The following TMEM202 variants were observed in gnomAD, a reference collection of about 807,000 sequenced individuals.
TMEM202 encodes the protein transmembrane protein 202.
A neutral mutation model predicts 26.1 loss-of-function variants in TMEM202; 25 were observed. The ratio of observed to expected loss-of-function variants is 0.96; its 90% CI spans 0.70 to 1.34. The LOEUF (loss-of-function observed/expected upper bound fraction) is 1.34, where lower values mean the gene tolerates loss of function less well. TMEM202 is among the 40% of genes most tolerant of loss of function. The pLI, the probability that TMEM202 is intolerant of heterozygous loss-of-function variation, is 0.00. For missense variants in TMEM202, 301 were observed against 327.7 expected, an observed-to-expected ratio of 0.92 and a Z score of 0.63; for synonymous variants, 122 against 119.0, an observed-to-expected ratio of 1.02 and a Z score of -0.16.
intron 2 of TMEM202, among the ~76,000 whole-genome samples, chr15:72,402,678 A>G (rs765327093): frequency 1.3e-5 from 2 of 152,298 alleles, no homozygotes; most frequent in South Asian, 2.1e-4. Context: ...CACAGAGAGT[A>G]GTTTGAACTG....
Position 72,406,645 on chromosome 15 carries a change from T to C in TMEM202, c.381T>C (p.Phe127=), listed in dbSNP as rs781483686. The change falls in exon 3 of 5, where the codon TTT becomes TTC. Residue 127 remains phenylalanine (F), a synonymous_variant. Transcript: ENST00000341689. ...YSRAFFLISV[F]TILTGLGWLF... ...GGGCCTTCTTTCTCATCTCTGTCTT[T>C]ACCATACTTACTGGCCTTGGCTGGC... 6.2e-7 allele frequency: 1 copy of C among 1,614,078 alleles called. No homozygotes were observed. Among genetic ancestry groups the C allele is most frequent in the South Asian group, 1.1e-5 (1 of 91,076 alleles).
rs1233164264 is a variant in TMEM202 at position 72,398,764 on chromosome 15, A to C, written c.193A>C (p.Ser65Arg). The change falls in exon 2 of 5, where the codon AGT becomes CGT. Residue 65 changes from serine (S) to arginine (R), a missense_variant. Ser to Arg is a moderately radical substitution (Grantham distance 110). Transcript: ENST00000341689. ...YIRTLCGSLC[S>R]FSLLMLIAMS... ...CCGAACGCTCTGTGGCAGCCTCTGTAGTTTTAGCCTCCTAATGCTGATCGC... is the reference window on the plus strand; with the variant it reads ...CCGAACGCTCTGTGGCAGCCTCTGTCGTTTTAGCCTCCTAATGCTGATCGC... The C allele has an allele frequency of 6.2e-7, 1 of 1,614,132 alleles. No individual in the cohort carries two copies. The highest frequency in any genetic ancestry group is 8.5e-7 in the Non-Finnish European group (1 of 1,180,028).
chr15:72,406,871 A>G (rs957222535), intron 3 of TMEM202, 120 bp downstream of exon 3: 1 of 1,248,986 alleles, frequency 8.0e-7, no homozygotes, highest in Non-Finnish European at 1.1e-6. Context: ...TATCACACCA[A>G]CTTGCCAGCT....
intron 2 of TMEM202, among the ~76,000 whole-genome samples, chr15:72,401,188 C>T (rs112340702): frequency 5.3e-5 from 8 of 152,120 alleles, no homozygotes. Flanking sequence ...CATTCAGTGA[C>T]TAAGAATGCC....
chr15:72,398,782 C>G lies in TMEM202; in HGVS notation c.211C>G (p.Leu71Val), dbSNP rs1346061103. ...GSLCSFSLLM[L>V]IAMSPLNWVQ... ...CCTCTGTAGTTTTAGCCTCCTAATG[C>G]TGATCGCCATGTCCCCACTGAACTG... is the stretch of plus-strand genomic sequence containing the variant. Residue 71 changes from leucine to valine, a missense_variant, in exon 2 of 5, where the codon CTG (leucine) becomes GTG (valine). Physicochemically the swap from Leu to Val is conservative, Grantham distance 32. Coordinates refer to ENST00000341689, the MANE Select transcript of TMEM202 (RefSeq NM_001080462.3). 8 of 1,614,072 alleles carry G rather than the reference C, an allele frequency of 5.0e-6. No homozygotes were observed. In the Admixed American group the frequency reaches 8.3e-5, roughly 17 times the overall value.
At chr15:72,400,984 T>C (rs1379667006) in intron 2 of TMEM202, among the ~76,000 whole-genome samples, 1 of 152,198 alleles carries the variant, frequency 6.6e-6, no homozygotes, top group African/African-American at 2.4e-5. Context: ...ATGGCATTTG[T>C]TAACTGTCAT....
chr15:72,407,870 C>T lies in TMEM202; in HGVS notation c.799C>T (p.Pro267Ser), dbSNP rs1248825280. 4 of 1,613,668 alleles carry T rather than the reference C, an allele frequency of 2.5e-6. No homozygotes were observed. Among genetic ancestry groups the T allele is most frequent in the Non-Finnish European group, 3.4e-6 (4 of 1,179,994 alleles). Residue 267 changes from proline (P) to serine (S), a missense_variant, in exon 5 of 5, where the codon CCA becomes TCA. Physicochemically the swap from Pro to Ser is moderately conservative, Grantham distance 74. Transcript: ENST00000341689. ...TCTAAGTGTGAGAGAGAAAAATTTA[C>T]CAAAGTCAGGACTGTGGTGGTGATA... Reference protein sequence around the residue: ...ESLSVREKNLPKSGLWW With the variant: ...ESLSVREKNLSKSGLWW
Position 72,407,694 on chromosome 15 carries a change from T to C in TMEM202, c.623T>C (p.Ile208Thr). Residue 208 changes from isoleucine (I) to threonine (T), a missense_variant, in exon 5 of 5, where the codon ATC (isoleucine) becomes ACC (threonine). Ile to Thr is a moderately conservative substitution (Grantham distance 89). Coordinates refer to ENST00000341689, the MANE Select transcript of TMEM202 (RefSeq NM_001080462.3). The part of the protein sequence containing the change: ...CSDIFYMFAG[I>T]ISLLNYLTSR... ...TCAAATTATTCCCTTCCCGTAGGGATCATCTCTCTTCTCAACTACTTAACT... is the reference window on the plus strand; with the variant it reads ...TCAAATTATTCCCTTCCCGTAGGGACCATCTCTCTTCTCAACTACTTAACT... 1 of 1,613,828 alleles carries C rather than the reference T, an allele frequency of 6.2e-7. No homozygotes were observed. The highest frequency in any genetic ancestry group is 2.2e-5 in the East Asian group (1 of 44,874).
intron 2 of TMEM202, among the ~76,000 whole-genome samples, 184 bp from the exon 3 acceptor site, chr15:72,406,418 T>C (rs149170007): frequency 4.6e-5 from 7 of 152,322 alleles, no homozygotes; most frequent in Non-Finnish European, 1.0e-4. Flanking sequence ...TGCAGAAGTA[T>C]TTGTATATTA....
At position 72,407,985 on chromosome 15, in the gene TMEM202, T is replaced by C. The variant is rs1385718343; in HGVS notation, c.*92T>C. ...ATTCTGGGAAACTCTCCTAATATCATGTCCATATTACTTGAGGAGACAGCA... is the reference window on the plus strand; with the variant it reads ...ATTCTGGGAAACTCTCCTAATATCACGTCCATATTACTTGAGGAGACAGCA... On this transcript the variant is annotated 3_prime_UTR_variant, in exon 5 of 5. Coordinates refer to ENST00000341689, the MANE Select transcript of TMEM202 (RefSeq NM_001080462.3). 3.9e-6 allele frequency: 4 copies of C among 1,019,798 alleles called. No homozygotes were observed. The highest frequency in any genetic ancestry group is 5.8e-6 in the Non-Finnish European group (4 of 691,130). The allele number at this position is 1,019,798 out of a possible 1,614,324, so 63.2% of individuals were successfully genotyped here.
intron 2 of TMEM202, among the ~76,000 whole-genome samples, chr15:72,399,363 A>T (rs1359092198): frequency 6.6e-6 from 1 of 151,990 alleles, no homozygotes; most frequent in Non-Finnish European, 1.5e-5. Flanking sequence ...TATATTTCCC[A>T]GGCTGGTCTC....
chr15:72,400,901 A>G (rs1034027370), intron 2 of TMEM202, among the ~76,000 whole-genome samples: 2 of 152,234 alleles, frequency 1.3e-5, no homozygotes, highest in African/African-American at 4.8e-5. Context: ...TTTTGGGGAA[A>G]GAGGTGGGCA....
chr15:72,398,565 T>G, intron 1 of TMEM202, 88 bp from the exon 2 acceptor site: 2 of 1,522,128 alleles, frequency 1.3e-6, no homozygotes, highest in Non-Finnish European at 1.8e-6. Flanking sequence ...CAAACACACA[T>G]GGGAATGCTT....
intron 3 of TMEM202, 91 bp downstream of exon 3, chr15:72,406,842 T>C: frequency 2.1e-6 from 3 of 1,409,642 alleles, no homozygotes; most frequent in East Asian, 4.6e-5. Context: ...CTTTTTCTTA[T>C]CTCTTTGCTC....
chr15:72,408,205 A>G lies in TMEM202; in HGVS notation c.*312A>G, dbSNP rs1292673816. Among the ~76,000 whole-genome samples, 2 of 152,160 alleles carry G rather than the reference A, an allele frequency of 1.3e-5. No homozygotes were observed. The highest frequency in any genetic ancestry group is 3.8e-4 in the East Asian group (2 of 5,196). ...GGGTATCAGGGATCTCATGGACCAG[A>G]ATGGCCCGTGGAGAAGAATGTTAAT... On this transcript the variant is annotated 3_prime_UTR_variant, in exon 5 of 5. Coordinates refer to ENST00000341689, the MANE Select transcript of TMEM202 (RefSeq NM_001080462.3).
intron 2 of TMEM202, among the ~76,000 whole-genome samples, chr15:72,404,193 C>T (rs1358333052): frequency 1.3e-5 from 2 of 152,018 alleles, no homozygotes; most frequent in South Asian, 2.1e-4. Flanking sequence ...GTGGGCAGAT[C>T]GCTTGAGCTC....
chr15:72,405,602 C>A (rs762481337), intron 2 of TMEM202, among the ~76,000 whole-genome samples: 2 of 151,940 alleles, frequency 1.3e-5, no homozygotes, highest in Non-Finnish European at 2.9e-5. Flanking sequence ...CTTTGGGGGA[C>A]TCTCAGAATA....
At position 72,398,844 on chromosome 15, in the gene TMEM202, C is replaced by T. The variant is rs1009659764; in HGVS notation, c.273C>T (p.Leu91=). Residue 91 remains leucine (L), a synonymous_variant, in exon 2 of 5, where the codon CTC becomes CTT. Coordinates refer to ENST00000341689, the MANE Select transcript of TMEM202 (RefSeq NM_001080462.3). ...QFLVIKNGLE[L]YAGLWTLCNH... is the part of the protein sequence containing the mutation. The stretch of plus-strand genomic sequence containing the variant: ...TGGTGATCAAGAATGGCCTTGAGCT[C>T]TACGCAGGACTCTGGACCTTATGCA... The T allele has an allele frequency of 3.1e-6, 5 of 1,614,030 alleles. No individual in the cohort carries two copies. The highest frequency in any genetic ancestry group is 3.3e-5 in the Admixed American group (2 of 60,010).
At chr15:72,400,886 T>C (rs1383233325) in intron 2 of TMEM202, among the ~76,000 whole-genome samples, 1 of 152,218 alleles carries the variant, frequency 6.6e-6, no homozygotes, top group African/African-American at 2.4e-5. Context: ...ATTATATTCA[T>C]AAGTTTTTGG....
Sources: gnomAD v4.1 joint callset for allele counts (sites outside exome capture counted in the v4.1 genomes callset) on GRCh38, gnomAD v4.1.1 for gene constraint, MANE v1.5 for transcripts, NCBI Gene and HGNC (gene_info 2026-07-23, HGNC 2026-07-21) for gene names.